The following WASHC2A variants were observed in gnomAD, a reference collection of about 807,000 sequenced individuals.
WASHC2A encodes WASH complex subunit FAM21A.
Under a neutral mutation model 140.3 loss-of-function variants are expected in WASHC2A, and 82 were observed. That is an observed-to-expected ratio of 0.58 (90% CI 0.49 to 0.70). The LOEUF (loss-of-function observed/expected upper bound fraction) is 0.70, where lower values mean the gene tolerates loss of function less well. WASHC2A is among the 30% of genes least tolerant of loss of function. WASHC2A has a pLI of 0.00. For missense variants in WASHC2A, 985 were observed against 1,521.8 expected (o/e 0.65, Z 5.87); for synonymous variants, 340 against 560.8 (o/e 0.61, Z 5.56).
At position 50,092,344 on chromosome 10, in the gene WASHC2A, G is replaced by T. The variant is rs1269023825; in HGVS notation, c.1003+111G>T. On this transcript the variant is annotated intron_variant, in intron 11 of 30. Coordinates refer to ENST00000282633, the MANE Select transcript of WASHC2A (RefSeq NM_001005751.3). ...ATGCTGTTTTCCCTCTGACAAATGG[G>T]TCTGTCTCCATTTACTTTTCTAAAG... is the stretch of plus-strand genomic sequence containing the variant. 4.4e-3 allele frequency: 6,350 copies of T among 1,433,578 alleles called. 20 individuals are homozygous for T. Among genetic ancestry groups the T allele is most frequent in the Non-Finnish European group, 5.5e-3 (5,830 of 1,055,904 alleles). The allele number at this position is 1,433,578 out of a possible 1,614,324, so 88.8% of individuals were successfully genotyped here. A position where few individuals can be genotyped will look rare whatever the true frequency, so the allele number is the denominator to read the frequency against.
chr10:50,074,561 CCT>C (rs1838126561), intron 3 of WASHC2A, among the ~76,000 whole-genome samples: 1 of 151,836 alleles, frequency 6.6e-6, no homozygotes, highest in African/African-American at 2.4e-5. Flanking sequence ...TTGAGGGGAG[CCT>C]CTCAAGGTTT....
chr10:50,114,526 A>G lies in WASHC2A; in HGVS notation c.2142+529A>G, dbSNP rs529718537. On this transcript the variant is annotated intron_variant, in intron 21 of 30. Coordinates refer to ENST00000282633, the MANE Select transcript of WASHC2A (RefSeq NM_001005751.3). ...CTTATTGGGATGAAAAACATACTGCAGGCCAAAAAAAAAAAAAAGCGTAAA... is the reference window on the plus strand; with the variant it reads ...CTTATTGGGATGAAAAACATACTGCGGGCCAAAAAAAAAAAAAAGCGTAAA... 9.9e-4 allele frequency among the ~76,000 whole-genome samples: 126 copies of G among 127,522 alleles called. 1 individual carries two copies. Among genetic ancestry groups the G allele is most frequent in the African/African-American group, 3.2e-3 (116 of 36,462 alleles). 83.7% of individuals were successfully genotyped at this position (127,522 alleles called of 152,430 possible). A position where few individuals can be genotyped will look rare whatever the true frequency, so the allele number is the denominator to read the frequency against.
chr10:50,069,587 C>A lies in WASHC2A; in HGVS notation c.167C>A (p.Ser56Tyr), dbSNP rs1837612210. 6.2e-7 allele frequency: 1 copy of A among 1,613,780 alleles called. No individual in the cohort carries two copies. The highest frequency in any genetic ancestry group is 1.3e-5 in the African/African-American group (1 of 74,898). The change falls in exon 3 of 31, where the codon TCT becomes TAT. Residue 56 changes from serine (S) to tyrosine (Y), a missense_variant. Ser to Tyr is a moderately radical substitution (Grantham distance 144). Transcript: ENST00000282633. Reference protein sequence around the residue: ...FLQEFSQQTISRTHEIKKQVD... With the variant: ...FLQEFSQQTIYRTHEIKKQVD... ...CAGGAATTCTCACAGCAAACTATCT[C>A]TAGGACCCATGAAATCAAGAAACAA...
rs1177626784 is a variant in WASHC2A, at chr10:50,129,585, C to G, written c.3254C>G (p.Ala1085Gly). 1.2e-6 allele frequency: 2 copies of G among 1,612,054 alleles called. No individual in the cohort carries two copies. The highest frequency in any genetic ancestry group is 1.7e-5 in the Admixed American group (1 of 60,018). ...SPNGHRPQLRAASGEDSTEEA... is the reference protein window; with the variant it reads ...SPNGHRPQLRGASGEDSTEEA... ...AATGGCCATCGGCCACAGCTCAGAG[C>G]AGCCAGTGGAGAAGACAGCACTGAG... Residue 1085 changes from alanine to glycine, a missense_variant, in exon 29 of 31, where the codon GCA becomes GGA. Physicochemically the swap from Ala to Gly is moderately conservative, Grantham distance 60 (BLOSUM62 0). Transcript: ENST00000282633.
At chr10:50,129,355 G>A (rs1347070746) in intron 28 of WASHC2A, 64 bp from the exon 29 acceptor site, 115 of 1,611,806 alleles carry the variant, frequency 7.1e-5, no homozygotes, top group African/African-American at 1.5e-4. Context: ...CTGATTCTTT[G>A]CCATGGTAGC....
intron 3 of WASHC2A, among the ~76,000 whole-genome samples, chr10:50,075,161 A>G (rs1254708895): frequency 1.3e-5 from 2 of 151,928 alleles, no homozygotes; most frequent in Admixed American, 6.6e-5. Flanking sequence ...TTGTTCTTAA[A>G]CCGTATCATA....
intron 21 of WASHC2A, among the ~76,000 whole-genome samples, chr10:50,115,677 T>C (rs1842614062): frequency 7.2e-6 from 1 of 139,432 alleles, no homozygotes; most frequent in African/African-American, 2.7e-5. Context: ...TGCCTGTCAG[T>C]GTGATATTTG....
chr10:50,075,992 G>A (rs536521835), intron 3 of WASHC2A, among the ~76,000 whole-genome samples: 39 of 151,732 alleles, frequency 2.6e-4, no homozygotes, highest in African/African-American at 9.2e-4. Flanking sequence ...TCGGCTCACT[G>A]CAACCTCTGC....
Position 50,069,859 on chromosome 10 carries a change from T to C in WASHC2A, c.291+148T>C, listed in dbSNP as rs1589134161. 11 of 1,005,706 alleles carry C rather than the reference T, an allele frequency of 1.1e-5. No individual in the cohort carries two copies. In the East Asian group the frequency reaches 3.0e-4, roughly 28 times the overall value. 62.3% of individuals were successfully genotyped at this position (1,005,706 alleles called of 1,614,324 possible). On this transcript the variant is annotated intron_variant, in intron 3 of 30. Transcript: ENST00000282633. ...TTTTTTCTCTGGGATTAATACCTCT[T>C]TTTTATTTGTAAAGTTTTAAGTCCT...
chr10:50,084,885 A>C (rs1839255395), intron 6 of WASHC2A, among the ~76,000 whole-genome samples: 1 of 144,668 alleles, frequency 6.9e-6, no homozygotes, highest in Non-Finnish European at 1.5e-5. Context: ...ACAGGTGCCC[A>C]CCACCACACC....
At chr10:50,132,511 C>T (rs1395211785) in intron 30 of WASHC2A, among the ~76,000 whole-genome samples, 173 of 152,330 alleles carry the variant, frequency 1.1e-3, no homozygotes, top group African/African-American at 3.9e-3. Flanking sequence ...ATGGTAGGGG[C>T]GTGGGCTGGT....
chr10:50,068,278 T>G (rs1278948937), intron 2 of WASHC2A, 51 bp downstream of exon 2: 3 of 1,501,904 alleles, frequency 2.0e-6, no homozygotes, highest in African/African-American at 2.8e-5. Flanking sequence ...ACGCTTGGCT[T>G]GCGCGCAGGA....
intron 3 of WASHC2A, among the ~76,000 whole-genome samples, chr10:50,070,726 G>A (rs1163635354): frequency 1.4e-5 from 2 of 139,948 alleles, no homozygotes; most frequent in Non-Finnish European, 3.1e-5. Flanking sequence ...GTACTTATGA[G>A]TTTGAAAAAT....
chr10:50,092,482 C>T (rs1406733848), intron 11 of WASHC2A, among the ~76,000 whole-genome samples: 2 of 151,930 alleles, frequency 1.3e-5, no homozygotes, highest in Non-Finnish European at 2.9e-5. Context: ...ATAGTGAAAC[C>T]CCATTTCTAC....
chr10:50,069,305 A>G (rs1183528580), intron 2 of WASHC2A, among the ~76,000 whole-genome samples: 3 of 151,324 alleles, frequency 2.0e-5, no homozygotes, highest in African/African-American at 7.3e-5. Context: ...GGGCACCTGT[A>G]ATTCCAGCTA....
intron 19 of WASHC2A, among the ~76,000 whole-genome samples, chr10:50,109,621 G>A (rs1274062274): frequency 1.3e-5 from 2 of 152,142 alleles, no homozygotes; most frequent in African/African-American, 4.8e-5. Flanking sequence ...GAGCCCAGCT[G>A]TCTAGATTTG....
In WASHC2A at chr10:50,068,152, C is replaced by T. The variant is rs368144277; in HGVS notation, c.51C>T (p.Pro17=). 24 of 1,601,956 alleles carry T rather than the reference C, an allele frequency of 1.5e-5. No homozygotes were observed. Among genetic ancestry groups the T allele is most frequent in the Non-Finnish European group, 1.9e-5 (22 of 1,175,262 alleles). ...AGGAGCTGGCGCCAGCGTCGGAGCC[C>T]GTGTGGGAGCGGCCGTGGTCGGTGG... ...PDQELAPASE[P]VWERPWSVEE... Residue 17 remains proline, a synonymous_variant, in exon 2 of 31, where the codon CCC becomes CCT. Transcript: ENST00000282633.
chr10:50,115,377 C>A (rs1461461405), intron 21 of WASHC2A, among the ~76,000 whole-genome samples: 2,535 of 62,506 alleles, frequency 0.041, 290 homozygotes, highest in African/African-American at 0.16. Context: ...AAAGAGACTC[C>A]ACACAAACTG....
At chr10:50,119,563 TC>T (rs1842881072) in intron 22 of WASHC2A, 23 bp from the exon 23 acceptor site, 11 of 1,046,030 alleles carry the variant, frequency 1.1e-5, no homozygotes, top group Non-Finnish European at 1.5e-5. Flanking sequence ...ACTTATTTTT[TC>T]CCCCTATTAT....
Sources: gnomAD v4.1 joint callset for allele counts (sites outside exome capture counted in the v4.1 genomes callset) on GRCh38, gnomAD v4.1.1 for gene constraint, MANE v1.5 for transcripts, NCBI Gene and HGNC (gene_info 2026-07-23, HGNC 2026-07-21) for gene names.